RPH3A: variants seen among roughly 807,000 people sequenced by gnomAD.
The protein encoded by RPH3A is rabphilin 3A.
RPH3A carries 48 observed loss-of-function variants against 102.2 expected under a neutral mutation model. The observed-to-expected ratio is 0.47, with a 90% CI of 0.37 to 0.60. The LOEUF (loss-of-function observed/expected upper bound fraction) is 0.60, where lower values mean the gene tolerates loss of function less well. RPH3A is among the 20% of genes least tolerant of loss of function. RPH3A has a pLI of 0.00. For synonymous variants in RPH3A, 310 were observed against 324.3 expected (o/e 0.96, Z 0.47); for missense variants, 781 against 910.1 (o/e 0.86, Z 1.83).
intron 1 of RPH3A, among the ~76,000 whole-genome samples, chr12:112,639,743 C>T (rs973175752): frequency 6.6e-6 from 1 of 152,142 alleles, no homozygotes; most frequent in African/African-American, 2.4e-5. Context: ...TCATCTGCTC[C>T]AGCTCCCAAA....
At chr12:112,839,842 A>C (rs1242747315) in intron 4 of RPH3A, among the ~76,000 whole-genome samples, 1 of 152,096 alleles carries the variant, frequency 6.6e-6, no homozygotes, top group Non-Finnish European at 1.5e-5. Context: ...ACAAAACACT[A>C]TCTGGGTGTG....
chr12:112,659,910 G>A (rs953664459), intron 1 of RPH3A, among the ~76,000 whole-genome samples: 3 of 152,036 alleles, frequency 2.0e-5, no homozygotes, highest in Admixed American at 2.0e-4. Context: ...CACTTTTCTT[G>A]CTCCAGCCCT....
intron 1 of RPH3A, among the ~76,000 whole-genome samples, chr12:112,627,405 CATT>C (rs1474057535): frequency 6.7e-6 from 1 of 148,670 alleles, no homozygotes; most frequent in Admixed American, 6.7e-5. Context: ...AATAATATTT[CATT>C]ATGATGTAAT....
At chr12:112,591,199 C>A (rs145428302) in intron 1 of RPH3A, among the ~76,000 whole-genome samples, 8 of 152,244 alleles carry the variant, frequency 5.3e-5, no homozygotes, top group Non-Finnish European at 1.2e-4. Flanking sequence ...GATCCTCCCA[C>A]CTCAGCCTCC....
chr12:112,843,487 C>T (rs561702845), intron 4 of RPH3A, among the ~76,000 whole-genome samples: 52 of 152,258 alleles, frequency 3.4e-4, no homozygotes, highest in African/African-American at 1.2e-3. Context: ...TTATCCTAGG[C>T]GGGGCCTCTC....
upstream of RPH3A, among the ~76,000 whole-genome samples, chr12:112,790,008 A>G (rs1261511350): frequency 6.6e-6 from 1 of 151,600 alleles, no homozygotes; most frequent in Admixed American, 6.6e-5. Context: ...TCAGTGAGCT[A>G]TGATTGCACC....
upstream of RPH3A, among the ~76,000 whole-genome samples, chr12:112,787,536 T>A (rs921196914): frequency 1.3e-5 from 2 of 152,150 alleles, no homozygotes; most frequent in Non-Finnish European, 2.9e-5. Flanking sequence ...GCTGGGGAGA[T>A]AAAGCATGGC....
intron 21 of RPH3A, among the ~76,000 whole-genome samples, chr12:112,896,226 GA>G (rs1177689122): frequency 6.6e-6 from 1 of 152,138 alleles, no homozygotes; most frequent in Non-Finnish European, 1.5e-5. Flanking sequence ...TCATGAGGAA[GA>G]AAATCAATTA....
chr12:112,808,195 T>C (rs776133845), intron 2 of RPH3A, among the ~76,000 whole-genome samples: 22 of 152,238 alleles, frequency 1.4e-4, no homozygotes, highest in Admixed American at 2.6e-4. Flanking sequence ...TTAGAAGGGA[T>C]GCAGGATGGG....
chr12:112,807,855 T>C (rs1593024430), intron 2 of RPH3A, among the ~76,000 whole-genome samples: 3 of 152,260 alleles, frequency 2.0e-5, no homozygotes, highest in African/African-American at 7.2e-5. Context: ...TCCTTCTCCA[T>C]TTTCCTCCCT....
At chr12:112,730,491 G>A (rs898047938) in intron 1 of RPH3A, among the ~76,000 whole-genome samples, 1 of 152,184 alleles carries the variant, frequency 6.6e-6, no homozygotes, top group African/African-American at 2.4e-5. Context: ...GCCCAATGCT[G>A]GAAAACCTCC....
chr12:112,830,756 C>T (rs1389169904), intron 3 of RPH3A, among the ~76,000 whole-genome samples: 6 of 151,426 alleles, frequency 4.0e-5, no homozygotes, highest in African/African-American at 1.5e-4. Flanking sequence ...TCCTAAACTC[C>T]CTTTTGTGAT....
At chr12:112,640,015 G>A (rs1227747632) in intron 1 of RPH3A, among the ~76,000 whole-genome samples, 2 of 151,930 alleles carry the variant, frequency 1.3e-5, no homozygotes, top group South Asian at 2.1e-4. Context: ...TAGTGGAGCC[G>A]GGGTTCAAAG....
chr12:112,758,633 G>A (rs939841802), intron 1 of RPH3A, among the ~76,000 whole-genome samples: 2 of 152,150 alleles, frequency 1.3e-5, no homozygotes, highest in African/African-American at 4.8e-5. Context: ...CAATAAATGA[G>A]AGTTTGGATT....
chr12:112,697,314 A>G (rs1721781965), intron 1 of RPH3A, among the ~76,000 whole-genome samples: 1 of 152,218 alleles, frequency 6.6e-6, no homozygotes, highest in Non-Finnish European at 1.5e-5. Flanking sequence ...TAATTTTACT[A>G]CTATATACTA....
chr12:112,807,916 A>G (rs563351052), intron 2 of RPH3A, among the ~76,000 whole-genome samples: 1 of 152,170 alleles, frequency 6.6e-6, no homozygotes, highest in East Asian at 1.9e-4. Flanking sequence ...TACTTTGTCC[A>G]TCATCTATTT....
At chr12:112,621,672 G>A (rs1173967375) in intron 1 of RPH3A, among the ~76,000 whole-genome samples, 5 of 151,924 alleles carry the variant, frequency 3.3e-5, no homozygotes, top group Admixed American at 3.3e-4. Flanking sequence ...GGTAAACAAA[G>A]CAGCCAGGAA....
At chr12:112,825,570 T>C (rs1190009559) in intron 2 of RPH3A, among the ~76,000 whole-genome samples, 2 of 151,896 alleles carry the variant, frequency 1.3e-5, no homozygotes, top group African/African-American at 4.8e-5. Flanking sequence ...AGGGGTGGGG[T>C]CGGGGGCAGG....
intron 1 of RPH3A, among the ~76,000 whole-genome samples, chr12:112,731,903 A>G (rs1339884548): frequency 6.6e-6 from 1 of 152,174 alleles, no homozygotes; most frequent in South Asian, 2.1e-4. Flanking sequence ...TCCCCAAAAA[A>G]TCCATAAAGA....
Sources: allele counts gnomAD v4.1 joint callset (sites outside exome capture counted in the v4.1 genomes callset), GRCh38; gene constraint gnomAD v4.1.1; transcripts MANE v1.5; gene names NCBI Gene and HGNC (gene_info 2026-07-23, HGNC 2026-07-21).